CPM: variants seen among roughly 807,000 people sequenced by gnomAD.
CPM encodes carboxypeptidase M.
CPM carries 35 observed loss-of-function variants against 46.4 expected under a neutral mutation model. The observed-to-expected ratio is 0.75, with a 90% CI of 0.58 to 1.00. The LOEUF (loss-of-function observed/expected upper bound fraction) is 1.00. Ranked by LOEUF, CPM falls within the 50% of genes least tolerant of loss-of-function variation. CPM has a pLI of 0.00. For synonymous variants in CPM, 195 were observed against 195.3 expected (o/e 1.00, Z 0.01); for missense variants, 422 against 530.4 (o/e 0.80, Z 2.01).
Position 68,855,743 on chromosome 12 carries a change from G to GT in CPM, c.*693dup, listed in dbSNP as rs57330829. The GT allele has an allele frequency of 0.12, 16,955 of 140,368 alleles. 2,576 individuals carry two copies. Among genetic ancestry groups the GT allele is most frequent in the African/African-American group, 0.36 (14,060 of 38,716 alleles). The allele number at this position is 140,368 out of a possible 1,614,324, so 8.7% of individuals were successfully genotyped here. On this transcript the variant is annotated 3_prime_UTR_variant, in exon 9 of 9. Coordinates refer to ENST00000551568, the MANE Select transcript of CPM (RefSeq NM_198320.5). ...GTGTTTTTTTTGTTTGTTTGTTTTT[G>GT]TTTTTTTTTTTTTGAGACAGAGTCT...
At chr12:68,897,528 G>A (rs1214942198) in intron 2 of CPM, among the ~76,000 whole-genome samples, 1 of 152,026 alleles carries the variant, frequency 6.6e-6, no homozygotes, top group Admixed American at 6.6e-5. Flanking sequence ...ACAAGGTCAG[G>A]AGTTCCAGAG....
intron 2 of CPM, among the ~76,000 whole-genome samples, chr12:68,906,754 A>T (rs1887368336): frequency 6.6e-6 from 1 of 152,236 alleles, no homozygotes; most frequent in African/African-American, 2.4e-5. Flanking sequence ...AAGTGCTGGG[A>T]TTACAGGCGC....
chr12:68,866,069 C>G (rs989639016), intron 7 of CPM, among the ~76,000 whole-genome samples: 1 of 152,186 alleles, frequency 6.6e-6, no homozygotes, highest in African/African-American at 2.4e-5. Context: ...GGCAAGATTT[C>G]TAGCACCAGG....
At chr12:68,847,156 ATATAATAC>A (rs1297884611), downstream of CPM, 2 of 101,212 alleles carry the variant, frequency 2.0e-5, no homozygotes, top group African/African-American at 9.9e-5. Flanking sequence ...ACATATATAT[ATATAATAC>A]ATATGTGTTT....
chr12:68,893,941 G>A (rs965676079), intron 2 of CPM, among the ~76,000 whole-genome samples: 15 of 152,104 alleles, frequency 9.9e-5, no homozygotes, highest in African/African-American at 3.1e-4. Flanking sequence ...TCTTCTAACT[G>A]ATTGCCTGGA....
intron 2 of CPM, among the ~76,000 whole-genome samples, chr12:68,922,965 G>A (rs1452986237): frequency 6.6e-6 from 1 of 152,084 alleles, no homozygotes; most frequent in Non-Finnish European, 1.5e-5. Flanking sequence ...TGCCCAGGCT[G>A]GAGTGCAGTG....
chr12:68,942,837 C>G (rs998993644), intron 1 of CPM, among the ~76,000 whole-genome samples: 1 of 152,216 alleles, frequency 6.6e-6, no homozygotes, highest in African/African-American at 2.4e-5. Flanking sequence ...CACATTCTAT[C>G]TACTGTTGGT....
chr12:68,878,045 A>G (rs1361088101), intron 3 of CPM, among the ~76,000 whole-genome samples: 6 of 152,218 alleles, frequency 3.9e-5, no homozygotes, highest in Admixed American at 3.9e-4. Context: ...TTCAACCTAT[A>G]TTTCTGGAAT....
intron 3 of CPM, among the ~76,000 whole-genome samples, chr12:68,873,591 C>T (rs1885805160): frequency 6.6e-6 from 1 of 151,194 alleles, no homozygotes; most frequent in African/African-American, 2.4e-5. Context: ...CTTGTGCTGC[C>T]CAGGAGGTTG....
chr12:68,864,069 TG>T, intron 7 of CPM, among the ~76,000 whole-genome samples: 1 of 152,326 alleles, frequency 6.6e-6, no homozygotes, highest in East Asian at 1.9e-4. Flanking sequence ...GGGGCAGGGT[TG>T]ATGTGCCAAT....
chr12:68,938,132 A>G (rs984622870), upstream of CPM, among the ~76,000 whole-genome samples: 3 of 152,248 alleles, frequency 2.0e-5, no homozygotes, highest in African/African-American at 7.2e-5. Context: ...GAATGAGAAC[A>G]GTATAACTAG....
At chr12:68,952,280 G>A (rs1401541124) in intron 1 of CPM, among the ~76,000 whole-genome samples, 1 of 152,186 alleles carries the variant, frequency 6.6e-6, no homozygotes, top group African/African-American at 2.4e-5. Flanking sequence ...CCACTGGGGA[G>A]AGCTGGTCCC....
rs1402680314 is a variant in CPM at position 68,856,564 on chromosome 12, G to C, written c.1205C>G (p.Ser402Cys). The C allele has an allele frequency of 6.2e-7, 1 of 1,614,258 alleles. No individual in the cohort carries two copies. Among genetic ancestry groups the C allele is most frequent in the East Asian group, 2.2e-5 (1 of 44,894 alleles). Residue 402 changes from serine (S) to cysteine (C), a missense_variant, in exon 9 of 9, where the codon TCT becomes TGT. Ser to Cys is a moderately radical substitution (Grantham distance 112). Transcript: ENST00000551568. ...GCATGAAGGATTTGATACTGGGATA[G>C]AATCCAATTGCCCTTGGAATGGAAG... is the stretch of plus-strand genomic sequence containing the variant. ...ILLPFQGQLD[S>C]IPVSNPSCPM...
intron 3 of CPM, among the ~76,000 whole-genome samples, chr12:68,878,411 T>C (rs1886048261): frequency 6.6e-6 from 1 of 152,194 alleles, no homozygotes; most frequent in Non-Finnish European, 1.5e-5. Flanking sequence ...ATAATATCAC[T>C]ATTGTAAAAC....
chr12:68,905,589 T>C (rs1887309859), intron 2 of CPM, among the ~76,000 whole-genome samples: 1 of 151,964 alleles, frequency 6.6e-6, no homozygotes, highest in South Asian at 2.1e-4. Context: ...CCAACAGAAA[T>C]CTTGTTGTAG....
At chr12:68,877,649 G>T (rs1886017661) in intron 3 of CPM, among the ~76,000 whole-genome samples, 1 of 152,172 alleles carries the variant, frequency 6.6e-6, no homozygotes, top group African/African-American at 2.4e-5. Flanking sequence ...AATCTAAAAA[G>T]AAAGAATTTA....
chr12:68,921,028 G>T (rs1359557687), intron 2 of CPM, among the ~76,000 whole-genome samples: 1 of 151,284 alleles, frequency 6.6e-6, no homozygotes, highest in Non-Finnish European at 1.5e-5. Flanking sequence ...GGGAAAAAAG[G>T]CCTTCTTCAC....
rs572851475 is a variant in CPM at position 68,860,308 on chromosome 12, T to A, written c.941-1237A>T. ...GTGTTCCTCTTTGCCCTCTCTTTTT[T>A]AAACACAGTTCCATTTATATTTATT... On this transcript the variant is annotated intron_variant, in intron 7 of 8. Transcript: ENST00000551568. Among the ~76,000 whole-genome samples the A allele has an allele frequency of 4.6e-5, 7 of 152,348 alleles. No homozygotes were observed. In the South Asian group the frequency reaches 8.3e-4, roughly 18 times the overall value.
intron 2 of CPM, among the ~76,000 whole-genome samples, chr12:68,923,983 T>C (rs1475047710): frequency 6.6e-6 from 1 of 152,076 alleles, no homozygotes; most frequent in African/African-American, 2.4e-5. Flanking sequence ...GCTCAGATAA[T>C]TGTAAGCTCA....
Sources: gnomAD v4.1 joint callset for allele counts (sites outside exome capture counted in the v4.1 genomes callset) on GRCh38, gnomAD v4.1.1 for gene constraint, MANE v1.5 for transcripts, NCBI Gene and HGNC (gene_info 2026-07-23, HGNC 2026-07-21) for gene names.